The following EDIL3 variants were observed in gnomAD, a reference collection of about 807,000 sequenced individuals.
The protein encoded by EDIL3 is EGF-like repeat and discoidin I-like domain-containing protein 3.
EDIL3 carries 37 observed loss-of-function variants against 67.4 expected under a neutral mutation model. That is an observed-to-expected ratio of 0.55 (90% CI 0.42 to 0.72). EDIL3 has a LOEUF of 0.72. Ranked by LOEUF, EDIL3 falls within the 30% of genes least tolerant of loss-of-function variation. The probability of loss-of-function intolerance (pLI) is 0.00; values close to 1 mark genes in which losing one functional copy is unlikely to be tolerated. For synonymous variants in EDIL3, 195 were observed against 196.3 expected, an observed-to-expected ratio of 0.99 and a Z score of 0.05; for missense variants, 527 against 586.3, an observed-to-expected ratio of 0.90 and a Z score of 1.04.
chr5:84,222,616 C>G (rs1744365014), intron 3 of EDIL3, among the ~76,000 whole-genome samples: 1 of 151,784 alleles, frequency 6.6e-6, no homozygotes. Context: ...ATATGAAGAA[C>G]AGTATGGCTT....
chr5:84,073,205 T>C (rs1340732319), intron 6 of EDIL3, among the ~76,000 whole-genome samples: 5 of 152,244 alleles, frequency 3.3e-5, no homozygotes, highest in Non-Finnish European at 7.4e-5. Context: ...CTCAAAATAA[T>C]AAGGGCTATC....
chr5:83,943,186 A>T lies in EDIL3; in HGVS notation c.*233T>A, dbSNP rs1435235787. 2.1e-6 allele frequency: 1 copy of T among 485,588 alleles called. No homozygotes were observed. The highest frequency in any genetic ancestry group is 3.8e-5 in the East Asian group (1 of 26,388). The allele number at this position is 485,588 out of a possible 1,614,324, so 30.1% of individuals were successfully genotyped here. ...AAACAATGAGAGAAAAGTAATTCACACTTAATGTGTTGTTACTTAAGAGAT... is the reference window on the plus strand; with the variant it reads ...AAACAATGAGAGAAAAGTAATTCACTCTTAATGTGTTGTTACTTAAGAGAT... On this transcript the variant is annotated 3_prime_UTR_variant, in exon 11 of 11. Transcript: ENST00000296591.
chr5:84,292,084 A>C (rs1745935579), intron 1 of EDIL3, among the ~76,000 whole-genome samples: 2 of 152,058 alleles, frequency 1.3e-5, no homozygotes, highest in Admixed American at 1.3e-4. Context: ...TATTTAACTT[A>C]AAGTTAAATA....
intron 5 of EDIL3, among the ~76,000 whole-genome samples, chr5:84,122,871 T>C (rs941519273): frequency 6.6e-6 from 1 of 151,986 alleles, no homozygotes; most frequent in South Asian, 2.1e-4. Context: ...CTCTTCTTTG[T>C]GCAAAGCAGA....
At chr5:84,274,565 G>A (rs1462830070) in intron 1 of EDIL3, among the ~76,000 whole-genome samples, 3 of 151,990 alleles carry the variant, frequency 2.0e-5, no homozygotes, top group Admixed American at 1.3e-4. Flanking sequence ...AATAAAACCA[G>A]CATATGAAAT....
intron 1 of EDIL3, among the ~76,000 whole-genome samples, chr5:84,258,573 T>C (rs16901012): frequency 0.024 from 3,662 of 152,268 alleles, 162 homozygotes; most frequent in African/African-American, 0.083. Flanking sequence ...TACATACTTG[T>C]AGCTGGACAG....
At chr5:84,370,899 C>A (rs922118240) in intron 1 of EDIL3, among the ~76,000 whole-genome samples, 2 of 151,900 alleles carry the variant, frequency 1.3e-5, no homozygotes, top group Non-Finnish European at 2.9e-5. Context: ...GATGTATATA[C>A]CAGCAGAGTT....
rs190973463 is a variant in EDIL3, at chr5:84,062,068, T to C, written c.953-1584A>G. On this transcript the variant is annotated intron_variant, in intron 8 of 10. Transcript: ENST00000296591. The stretch of plus-strand genomic sequence containing the variant: ...CTATGAAAACATGGAAAACATGACA[T>C]GGAGGGCTGTGTGTCTTAACACGAG... Among the ~76,000 whole-genome samples the C allele has an allele frequency of 3.3e-5, 5 of 152,154 alleles. No individual in the cohort carries two copies. In the East Asian group the frequency reaches 9.7e-4, roughly 29 times the overall value.
intron 4 of EDIL3, among the ~76,000 whole-genome samples, chr5:84,140,959 G>A (rs1192050280): frequency 6.6e-6 from 1 of 151,932 alleles, no homozygotes. Flanking sequence ...CAATCTAAAT[G>A]GAAACTGACC....
At chr5:84,342,504 T>G (rs1561263105) in intron 1 of EDIL3, among the ~76,000 whole-genome samples, 1 of 152,058 alleles carries the variant, frequency 6.6e-6, no homozygotes, top group Non-Finnish European at 1.5e-5. Context: ...CTGAAAGCCG[T>G]GACTTCACCA....
intron 9 of EDIL3, among the ~76,000 whole-genome samples, chr5:84,024,491 G>C (rs1745777080): frequency 6.6e-6 from 1 of 151,998 alleles, no homozygotes; most frequent in Non-Finnish European, 1.5e-5. Flanking sequence ...TTTGTTTCAG[G>C]GTATAAATGT....
intron 8 of EDIL3, among the ~76,000 whole-genome samples, chr5:84,064,141 C>G (rs769662159): frequency 5.9e-5 from 9 of 151,890 alleles, no homozygotes; most frequent in Non-Finnish European, 1.2e-4. Context: ...AGGTTGCTAG[C>G]TAAGAATGAT....
intron 1 of EDIL3, among the ~76,000 whole-genome samples, chr5:84,379,809 T>G (rs926651379): frequency 1.3e-5 from 2 of 152,054 alleles, no homozygotes; most frequent in Non-Finnish European, 2.9e-5. Context: ...ACTAATAACA[T>G]TAGTTTCGTA....
chr5:84,285,821 A>T (rs1473723953), intron 1 of EDIL3, among the ~76,000 whole-genome samples: 2 of 152,188 alleles, frequency 1.3e-5, no homozygotes, highest in Non-Finnish European at 2.9e-5. Flanking sequence ...GTTCTTACAG[A>T]GAAAGTGTCA....
At chr5:84,205,698 G>A (rs965276308) in intron 3 of EDIL3, among the ~76,000 whole-genome samples, 14 of 152,068 alleles carry the variant, frequency 9.2e-5, no homozygotes, top group African/African-American at 3.1e-4. Context: ...GTTTATTTGC[G>A]TAGAGGTGTT....
intron 1 of EDIL3, among the ~76,000 whole-genome samples, chr5:84,260,645 CTGT>C (rs1745209031): frequency 6.6e-6 from 1 of 152,032 alleles, no homozygotes; most frequent in Admixed American, 6.6e-5. Context: ...TTACATAGTA[CTGT>C]TAATGTATTT....
At chr5:84,209,459 G>T (rs1744068842) in intron 3 of EDIL3, among the ~76,000 whole-genome samples, 1 of 152,026 alleles carries the variant, frequency 6.6e-6, no homozygotes, top group Non-Finnish European at 1.5e-5. Context: ...AAAAAAGAAA[G>T]AATGAATAAA....
intron 9 of EDIL3, among the ~76,000 whole-genome samples, chr5:84,034,839 C>T (rs1745990531): frequency 6.6e-6 from 1 of 152,120 alleles, no homozygotes; most frequent in Non-Finnish European, 1.5e-5. Context: ...CTCCTCACCC[C>T]TGGGAGATAC....
intron 1 of EDIL3, among the ~76,000 whole-genome samples, chr5:84,370,662 C>CTA (rs1319349389): frequency 6.6e-6 from 1 of 152,094 alleles, no homozygotes; most frequent in Non-Finnish European, 1.5e-5. Context: ...CAGATAAAAC[C>CTA]TGAATCTTCC....
Sources: gnomAD v4.1 joint callset for allele counts (sites outside exome capture counted in the v4.1 genomes callset) on GRCh38, gnomAD v4.1.1 for gene constraint, MANE v1.5 for transcripts, NCBI Gene and HGNC (gene_info 2026-07-23, HGNC 2026-07-21) for gene names.